Variants in DLGAP1 observed in about 807,000 individuals in gnomAD.
DLGAP1 encodes the protein disks large-associated protein 1.
Under a neutral mutation model 90.8 loss-of-function variants are expected in DLGAP1, and 11 were observed. The observed-to-expected ratio is 0.12, with a 90% CI of 0.08 to 0.20. The LOEUF (loss-of-function observed/expected upper bound fraction) is 0.20. DLGAP1 is among the 10% of genes least tolerant of loss of function. The pLI, the probability that DLGAP1 is intolerant of heterozygous loss-of-function variation, is 1.00. For synonymous variants in DLGAP1, 558 were observed against 540.7 expected (o/e 1.03, Z -0.44); for missense variants, 1,050 against 1,333.8 (o/e 0.79, Z 3.31).
intron 1 of DLGAP1, among the ~76,000 whole-genome samples, chr18:4,351,461 C>T (rs2081400635): frequency 6.6e-6 from 1 of 152,164 alleles, no homozygotes; most frequent in African/African-American, 2.4e-5. Context: ...AGTACATATG[C>T]TAAAATCTTA....
intron 10 of DLGAP1, among the ~76,000 whole-genome samples, chr18:3,512,580 G>A (rs1326422753): frequency 6.6e-6 from 1 of 152,222 alleles, no homozygotes; most frequent in Admixed American, 6.5e-5. Context: ...GGAGGCCTTT[G>A]TGAACATGTG....
At chr18:4,405,276 G>T (rs574553383) in intron 1 of DLGAP1, among the ~76,000 whole-genome samples, 1 of 152,172 alleles carries the variant, frequency 6.6e-6, no homozygotes, top group African/African-American at 2.4e-5. Context: ...GCAACGTGGT[G>T]GTCCATTTTC....
chr18:3,578,859 A>G (rs1472730959), intron 8 of DLGAP1, among the ~76,000 whole-genome samples: 1 of 152,152 alleles, frequency 6.6e-6, no homozygotes, highest in Non-Finnish European at 1.5e-5. Flanking sequence ...AGAGTCACAT[A>G]AAGTACTCAG....
chr18:4,061,455 T>C (rs981937807), intron 2 of DLGAP1, among the ~76,000 whole-genome samples: 6 of 152,184 alleles, frequency 3.9e-5, no homozygotes, highest in Admixed American at 6.5e-5. Context: ...AAATTGAACA[T>C]TGGAATAAAA....
intron 5 of DLGAP1, 73 bp from the exon 6 acceptor site, chr18:3,742,585 T>G (rs1053121997): frequency 1.3e-6 from 2 of 1,537,886 alleles, no homozygotes; most frequent in Admixed American, 3.5e-5. Context: ...GTGGCACTAT[T>G]GTCATTTATG....
chr18:3,979,682 A>G (rs2073682275), intron 3 of DLGAP1, among the ~76,000 whole-genome samples: 4 of 152,208 alleles, frequency 2.6e-5, no homozygotes, highest in African/African-American at 9.7e-5. Context: ...TTATTTCAAT[A>G]TTGCTAAAAT....
At chr18:4,427,952 C>T (rs1000376775) in intron 1 of DLGAP1, among the ~76,000 whole-genome samples, 2 of 152,210 alleles carry the variant, frequency 1.3e-5, no homozygotes, top group Middle Eastern at 3.4e-3. Flanking sequence ...ACTGTCAAGC[C>T]TGGATGTAAA....
intron 4 of DLGAP1, among the ~76,000 whole-genome samples, chr18:3,867,312 T>C (rs1013778521): frequency 6.6e-6 from 1 of 152,214 alleles, no homozygotes; most frequent in African/African-American, 2.4e-5. Context: ...CAGATCTCAG[T>C]TGTCTCATTG....
intron 1 of DLGAP1, among the ~76,000 whole-genome samples, chr18:4,240,064 T>C (rs189994865): frequency 6.6e-5 from 10 of 152,344 alleles, no homozygotes; most frequent in Admixed American, 5.9e-4. Context: ...AATTTACTTG[T>C]TGTGTTAGGA....
At chr18:4,432,247 T>G (rs961602479) in intron 1 of DLGAP1, among the ~76,000 whole-genome samples, 1 of 152,144 alleles carries the variant, frequency 6.6e-6, no homozygotes, top group East Asian at 1.9e-4. Flanking sequence ...TATGTTGAAA[T>G]GAGAATGTGC....
chr18:3,553,570 G>A (rs1241687487), intron 9 of DLGAP1, among the ~76,000 whole-genome samples: 1 of 152,088 alleles, frequency 6.6e-6, no homozygotes, highest in African/African-American at 2.4e-5. Flanking sequence ...GTCTCACTCT[G>A]TCGCCCAGGA....
At position 4,455,105 on chromosome 18, in the gene DLGAP1, C is replaced by T. The variant is rs1404008137; in HGVS notation, c.-366G>A. On this transcript the variant is annotated 5_prime_UTR_variant, in exon 1 of 13. Transcript: ENST00000315677. ...GAGATGTCCCCGCGACCAGGACCGG[C>T]TCTCAGCGAGGTGACGGGAAGGACT... 1.3e-5 allele frequency: 2 copies of T among 151,954 alleles called. No individual in the cohort carries two copies. Among genetic ancestry groups the T allele is most frequent in the African/African-American group, 4.8e-5 (2 of 41,430 alleles). The allele number at this position is 151,954 out of a possible 1,614,324, so 9.4% of individuals were successfully genotyped here.
rs73941452 is a variant in DLGAP1, at chr18:4,349,852, G to A, written c.-267+105154C>T. Among the ~76,000 whole-genome samples, 911 of 152,182 alleles carry A rather than the reference G, an allele frequency of 6.0e-3. 7 individuals carry two copies. The highest frequency in any genetic ancestry group is 0.019 in the African/African-American group (804 of 41,532). ...ATCTTTCTATTTGTGAGGCTTACAC[G>A]TGTTATTTATGGATTAAATAACACT... On this transcript the variant is annotated intron_variant, in intron 1 of 12. Transcript: ENST00000315677.
At chr18:3,715,575 C>T (rs1461577796) in intron 7 of DLGAP1, among the ~76,000 whole-genome samples, 1 of 152,200 alleles carries the variant, frequency 6.6e-6, no homozygotes, top group Non-Finnish European at 1.5e-5. Flanking sequence ...CTTCACAATT[C>T]CACCCAGCAC....
At chr18:3,685,538 T>C (rs2060667996) in intron 7 of DLGAP1, among the ~76,000 whole-genome samples, 2 of 120,446 alleles carry the variant, frequency 1.7e-5, no homozygotes, top group African/African-American at 3.4e-5. Flanking sequence ...CACTCCAGCC[T>C]GGGCGACAGA....
At chr18:3,930,698 G>A (rs1022289851) in intron 3 of DLGAP1, among the ~76,000 whole-genome samples, 1 of 152,118 alleles carries the variant, frequency 6.6e-6, no homozygotes, top group Non-Finnish European at 1.5e-5. Context: ...AGAACCTTGA[G>A]GGCCGACATG....
At chr18:4,034,820 T>C (rs1235071483) in intron 2 of DLGAP1, among the ~76,000 whole-genome samples, 1 of 152,106 alleles carries the variant, frequency 6.6e-6, no homozygotes, top group Non-Finnish European at 1.5e-5. Flanking sequence ...GTAATGAATT[T>C]AGCAATTCAG....
At chr18:3,531,869 T>C (rs1211290226) in intron 10 of DLGAP1, among the ~76,000 whole-genome samples, 1 of 152,146 alleles carries the variant, frequency 6.6e-6, no homozygotes, top group Non-Finnish European at 1.5e-5. Context: ...TTTTTTCTTT[T>C]TTTGGAGACA....
intron 1 of DLGAP1, among the ~76,000 whole-genome samples, chr18:4,359,152 A>G (rs1567859688): frequency 6.6e-6 from 1 of 152,206 alleles, no homozygotes; most frequent in Non-Finnish European, 1.5e-5. Context: ...AAAAGCAAAG[A>G]TATTAGTGAG....
Sources: allele counts gnomAD v4.1 joint callset (sites outside exome capture counted in the v4.1 genomes callset), GRCh38; gene constraint gnomAD v4.1.1; transcripts MANE v1.5; gene names NCBI Gene and HGNC (gene_info 2026-07-23, HGNC 2026-07-21).